CDK12: variants seen among roughly 807,000 people sequenced by gnomAD.
CDK12 encodes the protein cyclin-dependent kinase 12.
In CDK12, 17 loss-of-function variants were observed where a neutral mutation model predicts 133.8. The ratio of observed to expected loss-of-function variants is 0.13; its 90% CI spans 0.09 to 0.19. CDK12 has a LOEUF of 0.19. Among genes scored for constraint, CDK12 ranks in the 10% least tolerant of loss-of-function variants. The probability of loss-of-function intolerance (pLI) is 1.00; values close to 1 mark genes in which losing one functional copy is unlikely to be tolerated. For missense variants in CDK12, 1,508 were observed against 1,818.7 expected, an observed-to-expected ratio of 0.83 and a Z score of 3.11; for synonymous variants, 694 against 683.6, an observed-to-expected ratio of 1.02 and a Z score of -0.24.
rs769858393 is a variant in CDK12 at position 39,471,565 on chromosome 17, C to G, written c.1733C>G (p.Ala578Gly). 1.2e-6 allele frequency: 2 copies of G among 1,614,060 alleles called. No homozygotes were observed. The highest frequency in any genetic ancestry group is 1.1e-5 in the South Asian group (1 of 91,080). ...CAGCCAGCATTTAGTCAGGTTCCTG[C>G]TTCCAGTACTTCAACTTTGCCCCCT... The part of the protein sequence containing the change: ...PSQPAFSQVP[A>G]SSTSTLPPST... The change falls in exon 2 of 14, where the codon GCT becomes GGT. Residue 578 changes from alanine to glycine, a missense_variant. By Grantham distance (60) the Ala-to-Gly change is moderately conservative. Coordinates refer to ENST00000447079, the MANE Select transcript of CDK12 (RefSeq NM_016507.4).
At chr17:39,473,839 C>T (rs1343781063) in intron 2 of CDK12, among the ~76,000 whole-genome samples, 1 of 151,482 alleles carries the variant, frequency 6.6e-6, no homozygotes, top group Non-Finnish European at 1.5e-5. Flanking sequence ...GAGCTGAGAT[C>T]GTGCCACTGC....
Position 39,490,449 on chromosome 17 carries a change from A to G in CDK12, c.1932-108A>G, listed in dbSNP as rs1238377747. 4.4e-6 allele frequency: 3 copies of G among 680,682 alleles called. No individual in the cohort carries two copies. The African/African-American group carries it at 5.4e-5, about 12-fold the overall frequency. 42.2% of individuals were successfully genotyped at this position (680,682 alleles called of 1,614,324 possible). A position where few individuals can be genotyped will look rare whatever the true frequency, so the allele number is the denominator to read the frequency against. On this transcript the variant is annotated intron_variant, in intron 2 of 13. Transcript: ENST00000447079. ...TTATAGTACAGGTTTTTTTCCTTAA[A>G]AATTAGATCTTTCTAACCTTTTCGT...
intron 1 of CDK12, among the ~76,000 whole-genome samples, chr17:39,469,755 A>G (rs1403519896): frequency 1.3e-5 from 2 of 150,496 alleles, no homozygotes; most frequent in African/African-American, 2.5e-5. Flanking sequence ...CTCCTGCCTC[A>G]GCCTCCCAAG....
intron 11 of CDK12, among the ~76,000 whole-genome samples, chr17:39,522,388 A>G (rs1222898579): frequency 1.3e-5 from 2 of 150,448 alleles, no homozygotes; most frequent in South Asian, 2.1e-4. Flanking sequence ...AACCCGGCCA[A>G]CAGTCCCAGT....
At chr17:39,566,462 G>A (rs941312842), downstream of CDK12, among the ~76,000 whole-genome samples, 3 of 152,094 alleles carry the variant, frequency 2.0e-5, no homozygotes, top group East Asian at 1.9e-4. Context: ...TCTAGTTTTC[G>A]GCTGCCAAGA....
chr17:39,530,056 A>G (rs909119237), intron 13 of CDK12: 2 of 152,336 alleles, frequency 1.3e-5, no homozygotes, highest in African/African-American at 4.8e-5. Flanking sequence ...TATACATGAC[A>G]GTAATGAAAA....
In CDK12 at chr17:39,534,246, A is replaced by AT. The variant is rs2055029617; in HGVS notation, c.*2931dup. The AT allele has an allele frequency of 8.6e-6, 2 of 233,036 alleles. No homozygotes were observed. Among genetic ancestry groups the AT allele is most frequent in the Non-Finnish European group, 1.7e-5 (2 of 117,834 alleles). The allele number at this position is 233,036 out of a possible 1,614,324, so 14.4% of individuals were successfully genotyped here. A position where few individuals can be genotyped will look rare whatever the true frequency, so the allele number is the denominator to read the frequency against. ...AGTAGAACTTCTATTAGCTTATGCC[A>AT]TAGACATCACCCAACCACTTGTATG... On this transcript the variant is annotated 3_prime_UTR_variant, in exon 14 of 14. Transcript: ENST00000447079.
At chr17:39,465,130 C>T (rs2049205626) in intron 1 of CDK12, among the ~76,000 whole-genome samples, 1 of 151,694 alleles carries the variant, frequency 6.6e-6, no homozygotes, top group Non-Finnish European at 1.5e-5. Flanking sequence ...CCTGTAGTCC[C>T]AGCTACTCGG....
intron 2 of CDK12, among the ~76,000 whole-genome samples, chr17:39,479,897 G>A (rs1008640397): frequency 1.3e-4 from 20 of 150,406 alleles, no homozygotes; most frequent in East Asian, 2.0e-4. Flanking sequence ...AAAGTCCTGG[G>A]ATTACAGGCG....
intron 11 of CDK12, among the ~76,000 whole-genome samples, chr17:39,523,202 G>A (rs986747120): frequency 3.3e-5 from 5 of 151,970 alleles, no homozygotes; most frequent in African/African-American, 4.8e-5. Flanking sequence ...GGCCTGGCAC[G>A]GTGGCTCATG....
At chr17:39,485,721 TAAAAA>T (rs78266155) in intron 2 of CDK12, among the ~76,000 whole-genome samples, 1 of 140,400 alleles carries the variant, frequency 7.1e-6, no homozygotes, top group African/African-American at 2.6e-5. Context: ...CCCTGTCTCT[TAAAAA>T]AAAAAAAAGC....
rs773073791 is a variant in CDK12, at chr17:39,482,015, C to CA, written c.1932-8542_1932-8541insA. ...GATTACAGGCATGAGCCTGGCTTGC[C>CA]TTTTTTTTTTTTTTTTAACAGAGTT... is the stretch of plus-strand genomic sequence containing the variant. On this transcript the variant is annotated intron_variant, in intron 2 of 13. Coordinates refer to ENST00000447079, the MANE Select transcript of CDK12 (RefSeq NM_016507.4). Among the ~76,000 whole-genome samples, 53 of 96,246 alleles carry CA rather than the reference C, an allele frequency of 5.5e-4. 3 individuals are homozygous for CA. Among genetic ancestry groups the CA allele is most frequent in the South Asian group, 8.6e-4 (2 of 2,324 alleles). The allele number at this position is 96,246 out of a possible 152,430, so 63.1% of individuals were successfully genotyped here.
At chr17:39,469,617 T>A (rs1280067698) in intron 1 of CDK12, among the ~76,000 whole-genome samples, 6 of 152,012 alleles carry the variant, frequency 3.9e-5, no homozygotes, top group Non-Finnish European at 8.8e-5. Context: ...TAACCCACCT[T>A]TACTATGGAG....
At chr17:39,489,881 C>A (rs2051447063) in intron 2 of CDK12, among the ~76,000 whole-genome samples, 1 of 148,582 alleles carries the variant, frequency 6.7e-6, no homozygotes, top group South Asian at 2.2e-4. Context: ...CTCAAGCAAT[C>A]CTCTTGCCTC....
rs35166716 is a variant in CDK12, at chr17:39,520,691, T to TTTGTTGTTGTTGTTG, written c.3095+616_3095+630dup. ...CGTAAGCCACTGCGTCCAGCGTGTT[T>TTTGTTGTTGTTGTTG]TTGTTGTTGTTGTTGTTGTTGTTGT... On this transcript the variant is annotated intron_variant, in intron 11 of 13. Coordinates refer to ENST00000447079, the MANE Select transcript of CDK12 (RefSeq NM_016507.4). Among the ~76,000 whole-genome samples the TTTGTTGTTGTTGTTG allele has an allele frequency of 5.4e-3, 808 of 150,128 alleles. 14 individuals carry two copies. Among genetic ancestry groups the TTTGTTGTTGTTGTTG allele is most frequent in the African/African-American group, 0.019 (786 of 40,966 alleles).
intron 1 of CDK12, among the ~76,000 whole-genome samples, chr17:39,464,717 A>G (rs2049173715): frequency 6.6e-6 from 1 of 151,986 alleles, no homozygotes; most frequent in Non-Finnish European, 1.5e-5. Context: ...CCATATATGT[A>G]ACAGCAAGAT....
chr17:39,502,313 C>G (rs769638864), intron 6 of CDK12, among the ~76,000 whole-genome samples: 45 of 152,046 alleles, frequency 3.0e-4, no homozygotes, highest in Non-Finnish European at 5.3e-4. Context: ...CCACCACGCC[C>G]AGCTAATTTT....
rs1279207496 is a variant in CDK12, at chr17:39,533,907, A to G, written c.*2591A>G. On this transcript the variant is annotated 3_prime_UTR_variant, in exon 14 of 14. Coordinates refer to ENST00000447079, the MANE Select transcript of CDK12 (RefSeq NM_016507.4). ...CATGATGGAAGTAAAGGTTTGGCAGAATTTCACCTTGACTATTTGAAAATT... is the reference window on the plus strand; with the variant it reads ...CATGATGGAAGTAAAGGTTTGGCAGGATTTCACCTTGACTATTTGAAAATT... The G allele has an allele frequency of 4.3e-6, 1 of 232,144 alleles. No individual in the cohort carries two copies. Among genetic ancestry groups the G allele is most frequent in the African/African-American group, 2.2e-5 (1 of 45,312 alleles). 14.4% of individuals were successfully genotyped at this position (232,144 alleles called of 1,614,324 possible).
chr17:39,524,684 T>G lies in CDK12; in HGVS notation c.3106T>G (p.Trp1036Gly). ...TTTGTCTTTTTCCAGCCTCCCCCAC[T>G]GGCAGGATTGCCATGAGTTGTGGAG... ...SKMAPPDLPH[W>G]QDCHELWSKK... The change falls in exon 12 of 14, where the codon TGG becomes GGG. Residue 1036 changes from tryptophan (W) to glycine (G), a missense_variant. Physicochemically the swap from Trp to Gly is radical, Grantham distance 184. Transcript: ENST00000447079. 1 of 1,614,090 alleles carries G rather than the reference T, an allele frequency of 6.2e-7. No individual in the cohort carries two copies. Among genetic ancestry groups the G allele is most frequent in the Non-Finnish European group, 8.5e-7 (1 of 1,179,978 alleles).
Sources: gnomAD v4.1 joint callset for allele counts (sites outside exome capture counted in the v4.1 genomes callset) on GRCh38, gnomAD v4.1.1 for gene constraint, MANE v1.5 for transcripts, NCBI Gene and HGNC (gene_info 2026-07-23, HGNC 2026-07-21) for gene names.